The following BRINP1 variants were observed in gnomAD, a reference collection of about 807,000 sequenced individuals.
BRINP1 encodes BMP/retinoic acid-inducible neural-specific protein 1.
In BRINP1, 17 loss-of-function variants were observed where a neutral mutation model predicts 72.9. That is an observed-to-expected ratio of 0.23 (90% CI 0.16 to 0.35). BRINP1 has a LOEUF of 0.35. Among genes scored for constraint, BRINP1 ranks in the 10% least tolerant of loss-of-function variants. The probability of loss-of-function intolerance (pLI) is 1.00; values close to 1 mark genes in which losing one functional copy is unlikely to be tolerated. For missense variants in BRINP1, 850 were observed against 1,001.6 expected, an observed-to-expected ratio of 0.85 and a Z score of 2.04; for synonymous variants, 418 against 378.5, an observed-to-expected ratio of 1.10 and a Z score of -1.21.
Position 119,168,213 on chromosome 9 carries a change from T to A in BRINP1, c.1157A>T (p.Gln386Leu), listed in dbSNP as rs1829344893. ...HQLPRERTIQ[Q>L]WLARVQSLLY... ...GAGTGACTGGACCCTTGCAAGCCAC[T>A]GCTGAATTGTCCTGGGAGATAAAGG... Residue 386 changes from glutamine (Q) to leucine (L), a missense_variant, in exon 8 of 8, where the codon CAG (glutamine) becomes CTG (leucine). By Grantham distance (113) the Gln-to-Leu change is moderately radical. Coordinates refer to ENST00000265922, the MANE Select transcript of BRINP1 (RefSeq NM_014618.3). 3 of 1,513,960 alleles carry A rather than the reference T, an allele frequency of 2.0e-6. No individual in the cohort carries two copies. 93.8% of individuals were successfully genotyped at this position (1,513,960 alleles called of 1,614,324 possible).
At chr9:119,303,000 T>C (rs991376041) in intron 2 of BRINP1, among the ~76,000 whole-genome samples, 8 of 152,102 alleles carry the variant, frequency 5.3e-5, no homozygotes, top group African/African-American at 1.4e-4. Context: ...CAATAAATAT[T>C]TGTTGAATTA....
chr9:119,354,663 C>A (rs1831540499), intron 1 of BRINP1, among the ~76,000 whole-genome samples: 1 of 151,558 alleles, frequency 6.6e-6, no homozygotes, highest in South Asian at 2.1e-4. Flanking sequence ...AGTTCAAGAC[C>A]AGCCTGGGCA....
intron 2 of BRINP1, among the ~76,000 whole-genome samples, chr9:119,296,638 GAC>G (rs1830881360): frequency 6.6e-6 from 1 of 152,078 alleles, no homozygotes. Context: ...CAGATGAATG[GAC>G]ACACACACTC....
intron 7 of BRINP1, among the ~76,000 whole-genome samples, chr9:119,171,799 A>T (rs1414971203): frequency 1.1e-3 from 135 of 118,152 alleles, no homozygotes; most frequent in African/African-American, 4.5e-3. Context: ...ACCACAGTGC[A>T]ATCAAACTAG....
chr9:119,250,108 AGGAGGGAGGGAGGGAAGGAG>A lies in BRINP1; in HGVS notation c.219-978_219-959del, dbSNP rs1358861928. Among the ~76,000 whole-genome samples the A allele has an allele frequency of 2.0e-3, 113 of 56,278 alleles. 2 individuals carry two copies. Among genetic ancestry groups the A allele is most frequent in the African/African-American group, 5.3e-3 (87 of 16,280 alleles). 36.9% of individuals were successfully genotyped at this position (56,278 alleles called of 152,430 possible). A position where few individuals can be genotyped will look rare whatever the true frequency, so the allele number is the denominator to read the frequency against. On this transcript the variant is annotated intron_variant, in intron 2 of 7. Transcript: ENST00000265922. ...AGGAAGGAAGGAAGGAAGAAAAGGA[AGGAGGGAGGGAGGGAAGGAG>A]GGAGGGAGGGAGGGAAGGAGGGAGG...
intron 7 of BRINP1, among the ~76,000 whole-genome samples, chr9:119,206,419 CAA>C (rs56106482): frequency 0.082 from 7,034 of 85,778 alleles, 178 homozygotes; most frequent in African/African-American, 0.19. Context: ...GACTCCATCT[CAA>C]AAAAAAAAAA....
chr9:119,287,394 G>T (rs1486767631), intron 2 of BRINP1, among the ~76,000 whole-genome samples: 1 of 152,148 alleles, frequency 6.6e-6, no homozygotes, highest in Admixed American at 6.5e-5. Flanking sequence ...CATATTGTCT[G>T]TGTTATCTGG....
intron 5 of BRINP1, among the ~76,000 whole-genome samples, chr9:119,214,373 G>A (rs41273913): frequency 0.014 from 2,089 of 152,168 alleles, 26 homozygotes; most frequent in Non-Finnish European, 0.018. Context: ...CATGACTTTG[G>A]CCATCTCTGA....
At chr9:119,295,286 C>T (rs1022615661) in intron 2 of BRINP1, among the ~76,000 whole-genome samples, 1 of 151,948 alleles carries the variant, frequency 6.6e-6, no homozygotes, top group East Asian at 1.9e-4. Context: ...TCAAGCAATC[C>T]ATCCACCTCA....
At chr9:119,313,023 G>C in intron 2 of BRINP1, 115 bp downstream of exon 2, 1 of 1,205,264 alleles carries the variant, frequency 8.3e-7, no homozygotes, top group Non-Finnish European at 1.1e-6. Flanking sequence ...TGTGGAAGGA[G>C]CACAGACCCT....
intron 7 of BRINP1, among the ~76,000 whole-genome samples, chr9:119,191,857 A>G (rs1276260165): frequency 6.6e-6 from 1 of 151,940 alleles, no homozygotes; most frequent in East Asian, 1.9e-4. Flanking sequence ...TTATACTACA[A>G]AATTACAGTG....
chr9:119,255,982 A>AAC (rs1830444012), intron 2 of BRINP1, among the ~76,000 whole-genome samples: 2 of 134,336 alleles, frequency 1.5e-5, no homozygotes, highest in African/African-American at 5.4e-5. Flanking sequence ...AAAAAAAAAA[A>AAC]ACACGAGACA....
intron 2 of BRINP1, among the ~76,000 whole-genome samples, chr9:119,312,123 C>A (rs950423043): frequency 6.6e-6 from 1 of 152,190 alleles, no homozygotes; most frequent in East Asian, 1.9e-4. Flanking sequence ...CTTATTTCAA[C>A]AGCAATAACC....
chr9:119,235,845 C>G (rs1009208802), intron 5 of BRINP1, among the ~76,000 whole-genome samples: 3 of 152,104 alleles, frequency 2.0e-5, no homozygotes, highest in Non-Finnish European at 4.4e-5. Context: ...CCTCAATCAC[C>G]CAACCTAACT....
intron 1 of BRINP1, among the ~76,000 whole-genome samples, chr9:119,356,501 T>G (rs1003250336): frequency 3.3e-5 from 5 of 152,272 alleles, no homozygotes; most frequent in African/African-American, 1.2e-4. Flanking sequence ...GGATGAGTGC[T>G]CAATAAACAA....
chr9:119,299,065 G>C (rs1588196404), intron 2 of BRINP1, among the ~76,000 whole-genome samples: 1 of 151,800 alleles, frequency 6.6e-6, no homozygotes, highest in African/African-American at 2.4e-5. Flanking sequence ...ACTTATTTTT[G>C]GTGGTAAGAA....
At chr9:119,313,729 A>G (rs1335256437) in intron 1 of BRINP1, among the ~76,000 whole-genome samples, 1 of 152,174 alleles carries the variant, frequency 6.6e-6, no homozygotes, top group Non-Finnish European at 1.5e-5. Flanking sequence ...ACGAGCCTGT[A>G]TCTTGGCACT....
chr9:119,234,630 G>A (rs12339659), intron 5 of BRINP1, among the ~76,000 whole-genome samples: 6,607 of 151,928 alleles, frequency 0.043, 473 homozygotes, highest in African/African-American at 0.15. Context: ...TAATTTTAAT[G>A]TATCCAATTT....
intron 2 of BRINP1, among the ~76,000 whole-genome samples, chr9:119,274,800 TCA>T (rs992391765): frequency 6.6e-6 from 1 of 152,136 alleles, no homozygotes; most frequent in Non-Finnish European, 1.5e-5. Flanking sequence ...TGGCTTCAAG[TCA>T]CAGAGAGTAA....
Sources: gnomAD v4.1 joint callset for allele counts (sites outside exome capture counted in the v4.1 genomes callset) on GRCh38, gnomAD v4.1.1 for gene constraint, MANE v1.5 for transcripts, NCBI Gene and HGNC (gene_info 2026-07-23, HGNC 2026-07-21) for gene names.